ATF6: variants seen among roughly 807,000 people sequenced by gnomAD.
ATF6 encodes the protein cyclic AMP-dependent transcription factor ATF-6 alpha.
In ATF6, 53 loss-of-function variants were observed where a neutral mutation model predicts 83.6. The observed-to-expected ratio is 0.63, with a 90% CI of 0.51 to 0.80. ATF6 has a LOEUF of 0.80. Among genes scored for constraint, ATF6 ranks in the 30% least tolerant of loss-of-function variants. ATF6 has a pLI of 0.00. For synonymous variants in ATF6, 288 were observed against 285.8 expected, an observed-to-expected ratio of 1.01 and a Z score of -0.08; for missense variants, 744 against 797.9, an observed-to-expected ratio of 0.93 and a Z score of 0.81.
chr1:161,876,524 T>A (rs1014175353), intron 14 of ATF6, among the ~76,000 whole-genome samples: 4 of 152,166 alleles, frequency 2.6e-5, no homozygotes, highest in Non-Finnish European at 5.9e-5. Context: ...AATTTTTTTT[T>A]AGAGGATTCT....
intron 15 of ATF6, among the ~76,000 whole-genome samples, chr1:161,920,098 A>G (rs1688174567): frequency 6.6e-6 from 1 of 151,976 alleles, no homozygotes; most frequent in African/African-American, 2.4e-5. Context: ...ATTCTTCTCA[A>G]TATATTTCTC....
chr1:161,808,013 G>A (rs1685346093), intron 7 of ATF6, among the ~76,000 whole-genome samples: 1 of 150,844 alleles, frequency 6.6e-6, no homozygotes, highest in Non-Finnish European at 1.5e-5. Context: ...CTGAGTAGCT[G>A]GGACTACAGC....
In ATF6 at chr1:161,851,786, AT is replaced by A; in HGVS notation, c.1386del (p.Pro463LeufsTer8). The part of the protein sequence containing the change: ...MVLTEEPLLY[I>X]PPPPCQPLIN... Reference sequence around the variant, plus strand: ...GCTAACTGAAGAACCATTGCTTTACATTCCTCCACCTCCTTGTCAGCCCCTA... The same window carrying A: ...GCTAACTGAAGAACCATTGCTTTACATCCTCCACCTCCTTGTCAGCCCCTA... On this transcript the variant is annotated frameshift_variant, in exon 11 of 16. Transcript: ENST00000367942. LOFTEE classifies it high-confidence loss of function. 1 of 1,613,990 alleles carries A rather than the reference AT, an allele frequency of 6.2e-7. No homozygotes were observed. Among genetic ancestry groups the A allele is most frequent in the South Asian group, 1.1e-5 (1 of 91,078 alleles).
chr1:161,931,062 C>G (rs866968691), intron 15 of ATF6, among the ~76,000 whole-genome samples: 21 of 151,960 alleles, frequency 1.4e-4, no homozygotes, highest in Non-Finnish European at 2.2e-4. Flanking sequence ...TTAGTAGAGA[C>G]GGGAGTTTCA....
At chr1:161,885,171 G>A (rs1330162444) in intron 14 of ATF6, among the ~76,000 whole-genome samples, 4 of 152,058 alleles carry the variant, frequency 2.6e-5, no homozygotes, top group Admixed American at 6.5e-5. Flanking sequence ...TTATGCTTAG[G>A]CATTTTCTTA....
At chr1:161,813,949 A>T (rs1326995588) in intron 7 of ATF6, among the ~76,000 whole-genome samples, 1 of 147,154 alleles carries the variant, frequency 6.8e-6, no homozygotes, top group Non-Finnish European at 1.5e-5. Flanking sequence ...CAATGGTGTG[A>T]TCTCGGCTCA....
At chr1:161,837,012 C>G (rs1271189514) in intron 9 of ATF6, among the ~76,000 whole-genome samples, 1 of 152,152 alleles carries the variant, frequency 6.6e-6, no homozygotes, top group Non-Finnish European at 1.5e-5. Flanking sequence ...TAACATAAAA[C>G]AAGGACTAGT....
chr1:161,841,032 C>G (rs1040164954), intron 9 of ATF6, among the ~76,000 whole-genome samples: 1 of 152,140 alleles, frequency 6.6e-6, no homozygotes, highest in African/African-American at 2.4e-5. Flanking sequence ...ATGATTGAGT[C>G]ATTTCTTTGA....
intron 15 of ATF6, among the ~76,000 whole-genome samples, chr1:161,925,408 A>G (rs1040368520): frequency 1.3e-5 from 2 of 151,822 alleles, no homozygotes; most frequent in Admixed American, 1.3e-4. Context: ...GCTGATTTGG[A>G]TTTTTGGCCT....
chr1:161,829,189 C>CTTTTTTTTTT (rs35619050), intron 9 of ATF6, among the ~76,000 whole-genome samples: 1,070 of 72,580 alleles, frequency 0.015, 113 homozygotes, highest in East Asian at 0.067. Flanking sequence ...TAATGGGAGA[C>CTTTTTTTTTT]TTTTTTTTTT....
intron 7 of ATF6, among the ~76,000 whole-genome samples, chr1:161,815,306 C>G (rs1381594009): frequency 1.3e-5 from 2 of 150,870 alleles, no homozygotes; most frequent in Non-Finnish European, 2.9e-5. Flanking sequence ...ATCCTCCTGC[C>G]TCAGCCTCTA....
chr1:161,933,485 G>C (rs552978458), intron 15 of ATF6, among the ~76,000 whole-genome samples: 1 of 152,142 alleles, frequency 6.6e-6, no homozygotes, highest in Admixed American at 6.5e-5. Flanking sequence ...GACTTATAAA[G>C]ATTGCTATTG....
chr1:161,951,804 A>G (rs1688869656), intron 15 of ATF6, among the ~76,000 whole-genome samples: 1 of 152,194 alleles, frequency 6.6e-6, no homozygotes, highest in South Asian at 2.1e-4. Flanking sequence ...AAAAAAACTC[A>G]TCTTCTGTAA....
At chr1:161,908,591 A>G (rs1425012179) in intron 14 of ATF6, among the ~76,000 whole-genome samples, 1 of 150,692 alleles carries the variant, frequency 6.6e-6, no homozygotes, top group Admixed American at 6.6e-5. Context: ...ATTGATTATA[A>G]TATTTGTCCA....
chr1:161,855,007 G>A (rs1187978815), intron 12 of ATF6, among the ~76,000 whole-genome samples: 14 of 152,182 alleles, frequency 9.2e-5, no homozygotes, highest in Admixed American at 9.2e-4. Flanking sequence ...GAGAGTGGTA[G>A]ATGAGATTGG....
chr1:161,907,655 A>G (rs1687902285), intron 14 of ATF6, among the ~76,000 whole-genome samples: 1 of 152,234 alleles, frequency 6.6e-6, no homozygotes, highest in Admixed American at 6.5e-5. Flanking sequence ...AAGCCATCTT[A>G]TCTATATAGT....
Position 161,962,946 on chromosome 1 carries a change from A to G in ATF6, c.*4292A>G, listed in dbSNP as rs1367187013. ...GTTGCTGCTAATATGAATACCAATT[A>G]TAACTTTTAGAAACAAGAATAAAGC... On this transcript the variant is annotated 3_prime_UTR_variant, in exon 16 of 16. Coordinates refer to ENST00000367942, the MANE Select transcript of ATF6 (RefSeq NM_007348.4). 1 of 152,238 alleles carries G rather than the reference A, an allele frequency of 6.6e-6. No homozygotes were observed. The highest frequency in any genetic ancestry group is 2.1e-4 in the South Asian group (1 of 4,832). The allele number at this position is 152,238 out of a possible 1,614,324, so 9.4% of individuals were successfully genotyped here.
intron 15 of ATF6, among the ~76,000 whole-genome samples, chr1:161,922,227 T>G (rs1688226583): frequency 6.6e-6 from 1 of 152,242 alleles, no homozygotes; most frequent in Non-Finnish European, 1.5e-5. Context: ...CGGTGGATTT[T>G]CAGTGTCTAT....
At position 161,791,082 on chromosome 1, in the gene ATF6, GTC is replaced by G. The variant is rs1417747184; in HGVS notation, c.355-322_355-321del. Among the ~76,000 whole-genome samples, 10 of 68,944 alleles carry G rather than the reference GTC, an allele frequency of 1.5e-4. No homozygotes were observed. The African/African-American group carries it at 1.7e-3, about 12-fold the overall frequency. 45.2% of individuals were successfully genotyped at this position (68,944 alleles called of 152,430 possible). Reference sequence around the variant, plus strand: ...TTTATATGTGTGTGTGTGTGTGTGTGTCTCTGTGTGTGTGTGTGTGTCTCTGT... The same window carrying G: ...TTTATATGTGTGTGTGTGTGTGTGTGTCTGTGTGTGTGTGTGTGTCTCTGT... On this transcript the variant is annotated intron_variant, in intron 4 of 15. Coordinates refer to ENST00000367942, the MANE Select transcript of ATF6 (RefSeq NM_007348.4).
Sources: gnomAD v4.1 joint callset for allele counts (sites outside exome capture counted in the v4.1 genomes callset) on GRCh38, gnomAD v4.1.1 for gene constraint, MANE v1.5 for transcripts, NCBI Gene and HGNC (gene_info 2026-07-23, HGNC 2026-07-21) for gene names.